KMT5A: variants seen among roughly 807,000 people sequenced by gnomAD.
KMT5A encodes the protein N-lysine methyltransferase KMT5A.
In KMT5A, 6 loss-of-function variants were observed where a neutral mutation model predicts 40.6. The observed-to-expected ratio is 0.15, with a 90% CI of 0.08 to 0.29. KMT5A has a LOEUF of 0.29. Among genes scored for constraint, KMT5A ranks in the 10% least tolerant of loss-of-function variants. The pLI is 1.00. For synonymous variants in KMT5A, 153 were observed against 178.8 expected, an observed-to-expected ratio of 0.86 and a Z score of 1.15; for missense variants, 308 against 459.1, an observed-to-expected ratio of 0.67 and a Z score of 3.01.
chr12:123,392,501 G>A (rs975805170), intron 3 of KMT5A, among the ~76,000 whole-genome samples: 5 of 151,610 alleles, frequency 3.3e-5, no homozygotes, highest in African/African-American at 1.2e-4. Context: ...CTACAACAAT[G>A]AAAACAAAAA....
At chr12:123,403,435 A>C (rs186868642) in intron 5 of KMT5A, 138 bp from the exon 6 acceptor site, 1 of 792,660 alleles carries the variant, frequency 1.3e-6, no homozygotes. Context: ...CTGGGGACCC[A>C]TCATCCCCAG....
chr12:123,390,643 C>T lies in KMT5A; in HGVS notation c.146C>T (p.Thr49Ile). The T allele has an allele frequency of 6.2e-7, 1 of 1,613,800 alleles. No homozygotes were observed. The highest frequency in any genetic ancestry group is 1.3e-5 in the African/African-American group (1 of 75,028). ...TTGTCTTTTTAGGAGAACGTATTTA[C>T]CGGGCAGTCAAAGATCTATTCCTAC... ...RPRTDGENVF[T>I]GQSKIYSYMS... is the part of the protein sequence containing the mutation. Residue 49 changes from threonine to isoleucine, a missense_variant, in exon 3 of 8, where the codon ACC becomes ATC. Thr to Ile is a moderately conservative substitution (Grantham distance 89, BLOSUM62 -1). Around this residue, in one of 4 missense-constraint regions of KMT5A, gnomAD observed 92 missense variants for 78.3 expected, o/e 1.18. Transcript: ENST00000402868.
chr12:123,397,817 C>A (rs1877850336), intron 5 of KMT5A, among the ~76,000 whole-genome samples: 1 of 141,516 alleles, frequency 7.1e-6, no homozygotes, highest in Non-Finnish European at 1.5e-5. Flanking sequence ...CAGGCATTCG[C>A]CACCACGCCC....
chr12:123,396,550 CTT>C (rs1877743972), intron 5 of KMT5A, 118 bp downstream of exon 5: 1 of 891,374 alleles, frequency 1.1e-6, no homozygotes, highest in Non-Finnish European at 1.8e-6. Flanking sequence ...GAGCAAGTCT[CTT>C]GGCCCCTCTG....
At chr12:123,386,298 C>T (rs929714625) in intron 1 of KMT5A, among the ~76,000 whole-genome samples, 25 of 151,154 alleles carry the variant, frequency 1.7e-4, no homozygotes, top group Admixed American at 1.7e-3. Context: ...CCGCTTCACC[C>T]TCCCTCTCCT....
At chr12:123,392,680 A>G (rs1392224246) in intron 3 of KMT5A, among the ~76,000 whole-genome samples, 3 of 152,018 alleles carry the variant, frequency 2.0e-5, no homozygotes, top group Non-Finnish European at 4.4e-5. Flanking sequence ...AAAAATAAAA[A>G]GAATTTAGGT....
intron 5 of KMT5A, among the ~76,000 whole-genome samples, chr12:123,396,666 C>T (rs1877752463): frequency 6.6e-6 from 1 of 152,196 alleles, no homozygotes; most frequent in Admixed American, 6.5e-5. Flanking sequence ...GTGAAGGAAC[C>T]TTGTGACTTG....
chr12:123,402,802 C>T (rs1878275846), intron 5 of KMT5A, among the ~76,000 whole-genome samples: 1 of 152,176 alleles, frequency 6.6e-6, no homozygotes, highest in Non-Finnish European at 1.5e-5. Context: ...GGCCTCCATA[C>T]AGGTGAATCT....
chr12:123,394,416 A>AT (rs1357787423), intron 3 of KMT5A, among the ~76,000 whole-genome samples: 1 of 152,104 alleles, frequency 6.6e-6, no homozygotes, highest in Non-Finnish European at 1.5e-5. Flanking sequence ...TTACTTAGTT[A>AT]TTTAAAAGTA....
At chr12:123,396,508 T>C in intron 5 of KMT5A, 76 bp downstream of exon 5, 1 of 1,354,168 alleles carries the variant, frequency 7.4e-7, no homozygotes, top group Non-Finnish European at 1.1e-6. Context: ...TGTGCGTATG[T>C]GTGTGTCCTC....
At chr12:123,400,396 T>C (rs1333050314) in intron 5 of KMT5A, among the ~76,000 whole-genome samples, 1 of 150,120 alleles carries the variant, frequency 6.7e-6, no homozygotes, top group Non-Finnish European at 1.5e-5. Context: ...AGTCTCACTC[T>C]GTAGCCCGCG....
chr12:123,404,828 T>C (rs1878414565), intron 6 of KMT5A, 56 bp from the exon 7 acceptor site: 2 of 1,549,148 alleles, frequency 1.3e-6, no homozygotes, highest in Non-Finnish European at 1.8e-6. Flanking sequence ...AGACCTGCTG[T>C]GCACAGTGGC....
At chr12:123,399,977 C>A (rs1432620840) in intron 5 of KMT5A, among the ~76,000 whole-genome samples, 1 of 152,146 alleles carries the variant, frequency 6.6e-6, no homozygotes, top group Non-Finnish European at 1.5e-5. Context: ...GCGCCCACCA[C>A]CATGCCCAGC....
chr12:123,400,389 C>G (rs991126264), intron 5 of KMT5A, among the ~76,000 whole-genome samples: 1 of 148,638 alleles, frequency 6.7e-6, no homozygotes, highest in Admixed American at 6.9e-5. Flanking sequence ...GAGACAGAGT[C>G]TCACTCTGTA....
At chr12:123,400,365 A>T (rs979567591) in intron 5 of KMT5A, among the ~76,000 whole-genome samples, 2 of 145,912 alleles carry the variant, frequency 1.4e-5, no homozygotes, top group African/African-American at 5.1e-5. Context: ...TTATTTTGCA[A>T]TTTTTTTTTT....
In KMT5A at chr12:123,409,229, T is replaced by C. The variant is rs1878838275; in HGVS notation, c.*1526T>C. ...GAAGAGGATCCGATGGGAGTGTAAA[T>C]GTGAGACACAATGTCTTGATTATAC... On this transcript the variant is annotated 3_prime_UTR_variant, in exon 8 of 8. Transcript: ENST00000402868. 6.6e-6 allele frequency: 1 copy of C among 152,524 alleles called. No individual in the cohort carries two copies. Among genetic ancestry groups the C allele is most frequent in the Non-Finnish European group, 1.5e-5 (1 of 68,040 alleles). 9.4% of individuals were successfully genotyped at this position (152,524 alleles called of 1,614,324 possible). A position where few individuals can be genotyped will look rare whatever the true frequency, so the allele number is the denominator to read the frequency against.
At chr12:123,402,281 G>A (rs1048585513) in intron 5 of KMT5A, among the ~76,000 whole-genome samples, 7 of 152,212 alleles carry the variant, frequency 4.6e-5, no homozygotes, top group African/African-American at 1.4e-4. Flanking sequence ...GGGCCGGAGC[G>A]GGGCCGGGGC....
intron 1 of KMT5A, among the ~76,000 whole-genome samples, chr12:123,388,119 G>T (rs945138483): frequency 2.0e-5 from 3 of 152,200 alleles, no homozygotes; most frequent in Non-Finnish European, 2.9e-5. Flanking sequence ...CTGCCTATGG[G>T]GGCATTTTCT....
chr12:123,397,170 C>T (rs754044862), intron 5 of KMT5A, among the ~76,000 whole-genome samples: 4 of 152,264 alleles, frequency 2.6e-5, no homozygotes, highest in Non-Finnish European at 4.4e-5. Flanking sequence ...TGCGGGCCTC[C>T]GCTGCCATGT....
Sources: allele counts gnomAD v4.1 joint callset (sites outside exome capture counted in the v4.1 genomes callset), GRCh38; gene constraint gnomAD v4.1.1; regional missense constraint gnomAD v4.1.1; transcripts MANE v1.5; gene names NCBI Gene and HGNC (gene_info 2026-07-23, HGNC 2026-07-21).